The following MAGI1 variants were observed in gnomAD, a reference collection of about 807,000 sequenced individuals.
The protein encoded by MAGI1 is membrane associated guanylate kinase, WW and PDZ domain containing 1.
MAGI1 carries 58 observed loss-of-function variants against 139.9 expected under a neutral mutation model. That is an observed-to-expected ratio of 0.41 (90% CI 0.34 to 0.52). MAGI1 has a LOEUF of 0.52. MAGI1 is among the 20% of genes least tolerant of loss of function. MAGI1 has a pLI of 0.12. For missense variants in MAGI1, 1,874 were observed against 1,901.6 expected (o/e 0.99, Z 0.27); for synonymous variants, 812 against 737.9 (o/e 1.10, Z -1.63).
intron 1 of MAGI1, among the ~76,000 whole-genome samples, chr3:65,679,583 G>T (rs907946561): frequency 6.6e-6 from 1 of 151,884 alleles, no homozygotes; most frequent in Non-Finnish European, 1.5e-5. Context: ...AAATAAAAAA[G>T]CCCATGGAAA....
chr3:65,644,941 G>A (rs535850981), intron 1 of MAGI1, among the ~76,000 whole-genome samples: 3 of 150,230 alleles, frequency 2.0e-5, no homozygotes, highest in South Asian at 2.1e-4. Flanking sequence ...AGGTTGCAGT[G>A]AGCCGAGATT....
chr3:65,888,834 T>C (rs1267239170), intron 1 of MAGI1, among the ~76,000 whole-genome samples: 1 of 151,992 alleles, frequency 6.6e-6, no homozygotes, highest in African/African-American at 2.4e-5. Flanking sequence ...AGATGGAAAA[T>C]GGTTATTCCA....
chr3:65,782,609 TAAGCAAAAAAAAA>T (rs1559877618), intron 1 of MAGI1, among the ~76,000 whole-genome samples: 1 of 95,902 alleles, frequency 1.0e-5, no homozygotes, highest in Admixed American at 1.2e-4. Context: ...ATGGATTTCT[TAAGCAAAAAAAAA>T]AAAAAAAAAA....
At position 65,610,877 on chromosome 3, in the gene MAGI1, A is replaced by T. The variant is rs1487056221; in HGVS notation, c.430+11095T>A. Among the ~76,000 whole-genome samples, 6 of 140,884 alleles carry T rather than the reference A, an allele frequency of 4.3e-5. No homozygotes were observed. In the East Asian group the frequency reaches 1.2e-3, roughly 28 times the overall value. The allele number at this position is 140,884 out of a possible 152,430, so 92.4% of individuals were successfully genotyped here. ...AGTACATATACACTATATAGTAGAT[A>T]GTAATATAGTAGATAGTATATACTA... On this transcript the variant is annotated intron_variant, in intron 2 of 22. Coordinates refer to ENST00000402939, the MANE Select transcript of MAGI1 (RefSeq NM_001033057.2).
chr3:65,837,122 T>A (rs1316374522), intron 1 of MAGI1, among the ~76,000 whole-genome samples: 2 of 151,388 alleles, frequency 1.3e-5, no homozygotes, highest in East Asian at 3.9e-4. Context: ...GCAAAAAAAA[T>A]AAAAAAATAA....
At chr3:65,756,978 C>A (rs2036612256) in intron 1 of MAGI1, among the ~76,000 whole-genome samples, 1 of 152,164 alleles carries the variant, frequency 6.6e-6, no homozygotes, top group Admixed American at 6.5e-5. Context: ...AACTCAAATA[C>A]CATACTGAAA....
chr3:65,519,614 G>A (rs1212744160), intron 2 of MAGI1, among the ~76,000 whole-genome samples: 1 of 152,070 alleles, frequency 6.6e-6, no homozygotes, highest in African/African-American at 2.4e-5. Flanking sequence ...TCAAACTCCT[G>A]ACCTCGTGAT....
At chr3:65,726,404 A>G (rs536787278) in intron 1 of MAGI1, among the ~76,000 whole-genome samples, 1 of 152,198 alleles carries the variant, frequency 6.6e-6, no homozygotes, top group Non-Finnish European at 1.5e-5. Flanking sequence ...GTGAATAACT[A>G]TTGCAATGTA....
intron 1 of MAGI1, among the ~76,000 whole-genome samples, chr3:65,706,839 A>G (rs909219865): frequency 6.6e-6 from 1 of 152,216 alleles, no homozygotes; most frequent in Non-Finnish European, 1.5e-5. Context: ...AGCCATGGTA[A>G]TAAGTTCCAG....
chr3:65,874,316 T>A (rs555394467), intron 1 of MAGI1: 131 of 152,242 alleles, frequency 8.6e-4, no homozygotes, highest in African/African-American at 2.6e-3. Context: ...TCTCAAAAAA[T>A]TTTTTAAGAA....
At position 65,787,773 on chromosome 3, in the gene MAGI1, C is replaced by T. The variant is rs538437709; in HGVS notation, c.314-165685G>A. Among the ~76,000 whole-genome samples, 54 of 151,962 alleles carry T rather than the reference C, an allele frequency of 3.6e-4. No homozygotes were observed. The Middle Eastern group carries it at 0.014, about 38-fold the overall frequency. On this transcript the variant is annotated intron_variant, in intron 1 of 22. Transcript: ENST00000402939. The stretch of plus-strand genomic sequence containing the variant: ...TAACTATAAATGGATATGATAACAC[C>T]GCTGAATGTTAGGAGCCGTTAAAAT...
At chr3:65,630,416 G>A (rs1033895469) in intron 1 of MAGI1, among the ~76,000 whole-genome samples, 1 of 152,022 alleles carries the variant, frequency 6.6e-6, no homozygotes, top group African/African-American at 2.4e-5. Context: ...GAAAGAGGTT[G>A]GTATGCTAGA....
intron 1 of MAGI1, among the ~76,000 whole-genome samples, chr3:65,734,072 G>A (rs115136234): frequency 0.01 from 1,580 of 152,192 alleles, 8 homozygotes; most frequent in Middle Eastern, 0.034. Context: ...GAAGAACATC[G>A]TCTCAGTCGA....
At chr3:65,696,918 AG>A (rs2089246314) in intron 1 of MAGI1, among the ~76,000 whole-genome samples, 1 of 150,008 alleles carries the variant, frequency 6.7e-6, no homozygotes, top group African/African-American at 2.5e-5. Context: ...CTTCAAAAAA[AG>A]GTAATGAATC....
intron 1 of MAGI1, among the ~76,000 whole-genome samples, chr3:65,660,760 AAAG>A (rs1432701956): frequency 1.3e-5 from 2 of 152,354 alleles, no homozygotes; most frequent in Admixed American, 6.5e-5. Flanking sequence ...TGCTATAATG[AAAG>A]AAGATGAAGA....
intron 1 of MAGI1, among the ~76,000 whole-genome samples, chr3:65,973,538 C>T (rs542267990): frequency 2.0e-5 from 3 of 152,284 alleles, no homozygotes; most frequent in Admixed American, 6.5e-5. Flanking sequence ...CTATGCACTC[C>T]CGAAGCATGG....
At chr3:65,559,931 G>A (rs1248415002) in intron 2 of MAGI1, among the ~76,000 whole-genome samples, 3 of 152,072 alleles carry the variant, frequency 2.0e-5, no homozygotes, top group Middle Eastern at 3.2e-3. Context: ...AGCTACTCGA[G>A]AGGCTGAGGT....
intron 3 of MAGI1, among the ~76,000 whole-genome samples, chr3:65,483,993 T>TATTC (rs1246891015): frequency 2.6e-5 from 4 of 152,240 alleles, no homozygotes; most frequent in African/African-American, 7.2e-5. Flanking sequence ...ACAAATTTAC[T>TATTC]ATTCATTCAT....
intron 1 of MAGI1, among the ~76,000 whole-genome samples, chr3:66,032,852 T>A (rs1358566175): frequency 1.4e-5 from 2 of 145,408 alleles, no homozygotes; most frequent in African/African-American, 2.6e-5. Context: ...GAGGCAAAGG[T>A]TGCAGTGAGC....
Sources: allele counts gnomAD v4.1 joint callset (sites outside exome capture counted in the v4.1 genomes callset), GRCh38; gene constraint gnomAD v4.1.1; transcripts MANE v1.5; gene names NCBI Gene and HGNC (gene_info 2026-07-23, HGNC 2026-07-21).